The following GRM8 variants were observed in gnomAD, a reference collection of about 807,000 sequenced individuals.
The protein encoded by GRM8 is metabotropic glutamate receptor 8.
GRM8 carries 47 observed loss-of-function variants against 87.2 expected under a neutral mutation model. The ratio of observed to expected loss-of-function variants is 0.54; its 90% confidence interval spans 0.43 to 0.69. GRM8 has a LOEUF of 0.69. Ranked by LOEUF, GRM8 falls within the 30% of genes least tolerant of loss-of-function variation. GRM8 has a pLI of 0.00. For missense variants in GRM8, 1,019 were observed against 1,139.2 expected (o/e 0.89, Z 1.52); for synonymous variants, 396 against 404.5 (o/e 0.98, Z 0.25).
chr7:126,589,449 C>T (rs914664743), intron 8 of GRM8, among the ~76,000 whole-genome samples: 1 of 152,108 alleles, frequency 6.6e-6, no homozygotes, highest in Non-Finnish European at 1.5e-5. Context: ...ACAAACCCAT[C>T]CCCCACAGCA....
chr7:127,049,689 A>C (rs1819278066), intron 3 of GRM8, among the ~76,000 whole-genome samples: 1 of 152,162 alleles, frequency 6.6e-6, no homozygotes, highest in Admixed American at 6.5e-5. Context: ...GAAGGAGGGA[A>C]GATGTAGAGC....
intron 7 of GRM8, among the ~76,000 whole-genome samples, chr7:126,649,867 T>C (rs910045838): frequency 1.3e-5 from 2 of 152,190 alleles, no homozygotes; most frequent in African/African-American, 4.8e-5. Flanking sequence ...TTGGGCCATA[T>C]GACCCAGGAG....
At chr7:126,544,273 C>T (rs955737097) in intron 8 of GRM8, among the ~76,000 whole-genome samples, 1 of 152,216 alleles carries the variant, frequency 6.6e-6, no homozygotes, top group South Asian at 2.1e-4. Flanking sequence ...ATGTGATAAA[C>T]TAGTCTATGA....
At chr7:126,812,889 A>G (rs1586040334) in intron 6 of GRM8, among the ~76,000 whole-genome samples, 1 of 152,090 alleles carries the variant, frequency 6.6e-6, no homozygotes, top group Admixed American at 6.6e-5. Flanking sequence ...ACTTCCATCA[A>G]AAACAGACAG....
intron 5 of GRM8, among the ~76,000 whole-genome samples, chr7:126,903,595 C>CTAT (rs1465774724): frequency 9.8e-5 from 12 of 122,606 alleles, no homozygotes; most frequent in South Asian, 2.7e-4. Flanking sequence ...CACACACACA[C>CTAT]ACACACTATA....
chr7:126,853,438 T>C (rs1016836990), intron 6 of GRM8, among the ~76,000 whole-genome samples: 5 of 152,186 alleles, frequency 3.3e-5, no homozygotes, highest in African/African-American at 1.2e-4. Context: ...GGACAAGTCT[T>C]GCAGAGGCTG....
At chr7:127,057,650 G>T (rs1820135378) in intron 3 of GRM8, among the ~76,000 whole-genome samples, 1 of 152,082 alleles carries the variant, frequency 6.6e-6, no homozygotes. Context: ...TGTATGCCCA[G>T]AAAAGATATT....
At chr7:127,071,676 T>C (rs1821705685) in intron 3 of GRM8, among the ~76,000 whole-genome samples, 1 of 152,186 alleles carries the variant, frequency 6.6e-6, no homozygotes, top group Non-Finnish European at 1.5e-5. Context: ...TCATAGATAA[T>C]AGGAAACACT....
chr7:127,176,762 GT>G (rs1347829257), intron 2 of GRM8, among the ~76,000 whole-genome samples: 3 of 152,214 alleles, frequency 2.0e-5, no homozygotes, highest in African/African-American at 7.2e-5. Context: ...AGGTCTGTTT[GT>G]GGGAGAAGTT....
Position 126,847,620 on chromosome 7 carries a change from A to G in GRM8, c.1156+54922T>C, listed in dbSNP as rs117184726. Among the ~76,000 whole-genome samples, 771 of 152,234 alleles carry G rather than the reference A, an allele frequency of 5.1e-3. 21 individuals are homozygous for G. In the East Asian group the frequency reaches 0.068, roughly 13 times the overall value. On this transcript the variant is annotated intron_variant, in intron 6 of 10. Transcript: ENST00000339582. ...GGTCTCTCCACATGATTTCTCCTAC[A>G]TGGTAGCTTCAGAATAGCTGAGCTT...
intron 7 of GRM8, among the ~76,000 whole-genome samples, chr7:126,757,722 T>C (rs1264173173): frequency 1.3e-5 from 2 of 152,122 alleles, no homozygotes; most frequent in African/African-American, 4.8e-5. Context: ...AGTTTAACTC[T>C]GCAAAGGAAA....
chr7:127,023,959 A>C (rs1393958333), intron 3 of GRM8, among the ~76,000 whole-genome samples: 2 of 152,148 alleles, frequency 1.3e-5, no homozygotes, highest in Non-Finnish European at 2.9e-5. Flanking sequence ...CACTGCCTGT[A>C]ACTTCAAAAT....
At chr7:127,185,044 C>A (rs1338233271) in intron 2 of GRM8, among the ~76,000 whole-genome samples, 1 of 151,868 alleles carries the variant, frequency 6.6e-6, no homozygotes, top group Non-Finnish European at 1.5e-5. Context: ...CAGTTCTTCC[C>A]AACTTGGTCT....
chr7:126,563,120 C>T (rs778445550), intron 8 of GRM8, among the ~76,000 whole-genome samples: 1 of 152,088 alleles, frequency 6.6e-6, no homozygotes. Flanking sequence ...CTTACGTGTG[C>T]TTCCTCATGT....
chr7:126,794,235 T>C (rs762055355), intron 6 of GRM8, among the ~76,000 whole-genome samples: 2 of 152,102 alleles, frequency 1.3e-5, no homozygotes, highest in African/African-American at 2.4e-5. Flanking sequence ...ATATACAATC[T>C]TGAAAAAAAT....
At chr7:127,166,869 G>T (rs1279374355) in intron 2 of GRM8, among the ~76,000 whole-genome samples, 6 of 151,990 alleles carry the variant, frequency 3.9e-5, no homozygotes, top group African/African-American at 9.7e-5. Flanking sequence ...AACTAGTATT[G>T]GTCACCTTCA....
intron 6 of GRM8, among the ~76,000 whole-genome samples, chr7:126,894,246 C>T (rs1445609161): frequency 1.3e-5 from 2 of 152,030 alleles, no homozygotes; most frequent in Non-Finnish European, 2.9e-5. Flanking sequence ...TTTTTCTAAA[C>T]TTTCTCATCC....
chr7:126,789,359 C>T (rs925325122), intron 6 of GRM8, among the ~76,000 whole-genome samples: 1 of 151,866 alleles, frequency 6.6e-6, no homozygotes, highest in African/African-American at 2.4e-5. Context: ...AACAAGGCAA[C>T]ACATAAAGAA....
chr7:126,658,595 T>C (rs1293004330), intron 7 of GRM8, among the ~76,000 whole-genome samples: 1 of 151,770 alleles, frequency 6.6e-6, no homozygotes, highest in Non-Finnish European at 1.5e-5. Flanking sequence ...TCCTGTGGCA[T>C]TGGGTTTATC....
Sources: allele counts gnomAD v4.1 joint callset (sites outside exome capture counted in the v4.1 genomes callset), GRCh38; gene constraint gnomAD v4.1.1; transcripts MANE v1.5; gene names NCBI Gene and HGNC (gene_info 2026-07-23, HGNC 2026-07-21).